DST: variants seen among roughly 807,000 people sequenced by gnomAD.
The protein encoded by DST is dystonin, also known as bullous pemphigoid antigen.
DST carries 253 observed loss-of-function variants against 875.2 expected under a neutral mutation model. The observed-to-expected ratio is 0.29, with a 90% CI of 0.26 to 0.32. The LOEUF is 0.32. Among genes scored for constraint, DST ranks in the 10% least tolerant of loss-of-function variants. The pLI is 1.00. For synonymous variants in DST, 3,124 were observed against 3,197.1 expected (o/e 0.98, Z 0.77); for missense variants, 8,287 against 9,111.6 (o/e 0.91, Z 3.68).
At chr6:56,503,743 T>C (rs1414920908) in intron 78 of DST, among the ~76,000 whole-genome samples, 1 of 152,078 alleles carries the variant, frequency 6.6e-6, no homozygotes, top group Admixed American at 6.6e-5. Flanking sequence ...CTCCTTTTTA[T>C]TTGCATTTTC....
At chr6:56,702,030 T>G in intron 7 of DST, 65 bp from the exon 8 acceptor site, 4 of 964,710 alleles carry the variant, frequency 4.1e-6, no homozygotes, top group Non-Finnish European at 6.5e-6. Flanking sequence ...CTAATTTAAA[T>G]ATAATTTCTG....
chr6:56,773,145 TAA>T (rs1009772092), intron 4 of DST, among the ~76,000 whole-genome samples: 4 of 152,090 alleles, frequency 2.6e-5, no homozygotes, highest in Non-Finnish European at 5.9e-5. Context: ...ACCCTGAGCC[TAA>T]AACACACAGC....
intron 36 of DST, among the ~76,000 whole-genome samples, chr6:56,621,976 A>G (rs1474652676): frequency 6.6e-6 from 1 of 152,194 alleles, no homozygotes; most frequent in Non-Finnish European, 1.5e-5. Flanking sequence ...TCTAATAATA[A>G]TTCATACAGA....
chr6:56,859,099 C>T (rs2127590040), intron 3 of DST, among the ~76,000 whole-genome samples: 1 of 152,314 alleles, frequency 6.6e-6, no homozygotes, highest in South Asian at 2.1e-4. Context: ...GGGTTCAGTA[C>T]TAGGCCCAAA....
rs74881668 is a variant in DST, at chr6:56,915,226, C to T, written c.217-14605G>A. On this transcript the variant is annotated intron_variant, in intron 2 of 103. Coordinates refer to ENST00000680361, the MANE Select transcript of DST (RefSeq NM_001374736.1). ...CCATGTCTACAAATAAAAAGAGTCA[C>T]GGTTTAAAAATATGTATATCTAAGA... Among the ~76,000 whole-genome samples, 343 of 152,244 alleles carry T rather than the reference C, an allele frequency of 2.3e-3. 3 individuals are homozygous for T. The highest frequency in any genetic ancestry group is 0.014 in the Middle Eastern group (4 of 294).
chr6:56,555,669 T>A lies in DST; in HGVS notation c.14812A>T (p.Arg4938Ter). 6.2e-7 allele frequency: 1 copy of A among 1,613,990 alleles called. No individual in the cohort carries two copies. The highest frequency in any genetic ancestry group is 8.5e-7 in the Non-Finnish European group (1 of 1,179,882). Residue 4938 changes from arginine (R) to a stop codon, truncating the protein, a stop_gained, in exon 60 of 104, where the codon AGA becomes TGA. Transcript: ENST00000680361. LOFTEE classifies it high-confidence loss of function. ...WDSLTGQLSD[R>*]CDWIDQAIVK... ...ATGGCTTGGTCAATCCAGTCACATCTGTCACTCAATTGCCCTGTTAGGCTA... is the reference window on the plus strand; with the variant it reads ...ATGGCTTGGTCAATCCAGTCACATCAGTCACTCAATTGCCCTGTTAGGCTA...
intron 69 of DST, among the ~76,000 whole-genome samples, 198 bp from the exon 70 acceptor site, chr6:56,517,818 C>A (rs1296545174): frequency 6.6e-6 from 1 of 152,092 alleles, no homozygotes; most frequent in Non-Finnish European, 1.5e-5. Context: ...TAAACACAAG[C>A]TCTTAAAACA....
chr6:56,611,732 C>A, intron 37 of DST, 136 bp from the exon 38 acceptor site: 2 of 616,190 alleles, frequency 3.2e-6, no homozygotes, highest in Non-Finnish European at 2.8e-6. Context: ...AATAACCTAT[C>A]AGTTATTAGC....
At chr6:56,503,974 G>A (rs375652955) in intron 78 of DST, 23 bp downstream of exon 78, 60 of 1,546,672 alleles carry the variant, frequency 3.9e-5, no homozygotes, top group Non-Finnish European at 4.8e-5. Flanking sequence ...GGGAGTCTTC[G>A]ATAAATTAGC....
chr6:56,787,324 A>T (rs1391073676), intron 4 of DST, among the ~76,000 whole-genome samples: 1 of 152,176 alleles, frequency 6.6e-6, no homozygotes, highest in African/African-American at 2.4e-5. Context: ...ATCATGTCTT[A>T]TTTCAGATGA....
In DST at chr6:56,730,478, TAAC is replaced by T. The variant is rs577787401; in HGVS notation, c.687+4747_687+4749del. On this transcript the variant is annotated intron_variant, in intron 5 of 103. Transcript: ENST00000680361. Reference sequence around the variant, plus strand: ...TAGACAGCAAATTGCACATGATGAGTAACAACAAGTAGTTATATAAAACCCTCT... The same window carrying T: ...TAGACAGCAAATTGCACATGATGAGTAACAAGTAGTTATATAAAACCCTCT... Among the ~76,000 whole-genome samples, 76 of 152,174 alleles carry T rather than the reference TAAC, an allele frequency of 5.0e-4. 1 individual carries two copies. Among genetic ancestry groups the T allele is most frequent in the Admixed American group, 3.3e-3 (50 of 15,284 alleles).
intron 2 of DST, among the ~76,000 whole-genome samples, chr6:56,938,007 T>G (rs896226681): frequency 6.6e-6 from 1 of 151,934 alleles, no homozygotes; most frequent in Non-Finnish European, 1.5e-5. Flanking sequence ...AGAGATTGAC[T>G]GCAAACAGGC....
chr6:56,591,403 G>C (rs2098269974), intron 49 of DST, among the ~76,000 whole-genome samples: 1 of 152,136 alleles, frequency 6.6e-6, no homozygotes, highest in Non-Finnish European at 1.5e-5. Flanking sequence ...GAATATGATG[G>C]TAGCATCCCT....
chr6:56,621,376 G>C (rs1436243210), intron 36 of DST, among the ~76,000 whole-genome samples: 4 of 152,148 alleles, frequency 2.6e-5, no homozygotes, highest in Non-Finnish European at 2.9e-5. Flanking sequence ...GCCATATTAT[G>C]ACAATTATAA....
intron 84 of DST, 81 bp downstream of exon 84, chr6:56,492,853 G>C (rs1158588168): frequency 8.6e-7 from 1 of 1,169,334 alleles, no homozygotes; most frequent in East Asian, 2.7e-5. Context: ...GGACGACAGA[G>C]GAGTGAGACT....
chr6:56,561,517 T>C lies in DST; in HGVS notation c.14101A>G (p.Ile4701Val), dbSNP rs780041096. 6.2e-6 allele frequency: 10 copies of C among 1,613,204 alleles called. No individual in the cohort carries two copies. The highest frequency in any genetic ancestry group is 4.4e-5 in the South Asian group (4 of 91,060). ...CCAAGATCTTCATAACCATGACTTA[T>C]GTCAGTCATGTCCTTTTTAATGGAT... ...LTSIKKDMTDISHGYEDLGLL... is the reference protein window; with the variant it reads ...LTSIKKDMTDVSHGYEDLGLL... The change falls in exon 57 of 104, where the codon ATA (isoleucine) becomes GTA (valine). Residue 4701 changes from isoleucine to valine, a missense_variant. Ile to Val is a conservative substitution (Grantham distance 29). Transcript: ENST00000680361.
Position 56,663,230 on chromosome 6 carries a change from G to A in DST, c.1214+7411C>T, listed in dbSNP as rs138922963. ...ATGCAGACGCACTACATTATAAGCA[G>A]TGTACATTAACTCTAAGAATTTTAA... is the stretch of plus-strand genomic sequence containing the variant. On this transcript the variant is annotated intron_variant, in intron 10 of 103. Transcript: ENST00000680361. 2.0e-5 allele frequency among the ~76,000 whole-genome samples: 3 copies of A among 152,326 alleles called. No homozygotes were observed. In the East Asian group the frequency reaches 5.8e-4, roughly 29 times the overall value.
At chr6:56,476,368 T>C (rs978276196) in intron 91 of DST, 31 bp from the exon 92 acceptor site, 1 of 1,505,262 alleles carries the variant, frequency 6.6e-7, no homozygotes, top group Non-Finnish European at 8.9e-7. Flanking sequence ...TCTCTGAATT[T>C]CCTCCAACTT....
chr6:56,769,081 A>G (rs1262056190), intron 4 of DST, among the ~76,000 whole-genome samples: 1 of 152,214 alleles, frequency 6.6e-6, no homozygotes, highest in Non-Finnish European at 1.5e-5. Flanking sequence ...ATACAAAGAA[A>G]TCTTAAAAAA....
Sources: gnomAD v4.1 joint callset for allele counts (sites outside exome capture counted in the v4.1 genomes callset) on GRCh38, gnomAD v4.1.1 for gene constraint, MANE v1.5 for transcripts, NCBI Gene and HGNC (gene_info 2026-07-23, HGNC 2026-07-21) for gene names.